Variants in RASGRP1 observed in about 807,000 individuals in gnomAD.
The protein encoded by RASGRP1 is RAS guanyl-releasing protein 1.
RASGRP1 carries 37 observed loss-of-function variants against 95.1 expected under a neutral mutation model. The ratio of observed to expected loss-of-function variants is 0.39; its 90% confidence interval spans 0.30 to 0.51. RASGRP1 has a LOEUF of 0.51. Ranked by LOEUF, RASGRP1 falls within the 20% of genes least tolerant of loss-of-function variation. The probability of loss-of-function intolerance (pLI) is 0.80; values close to 1 mark genes in which losing one functional copy is unlikely to be tolerated. For synonymous variants in RASGRP1, 325 were observed against 353.4 expected, an observed-to-expected ratio of 0.92 and a Z score of 0.90; for missense variants, 711 against 965.4, an observed-to-expected ratio of 0.74 and a Z score of 3.49.
At chr15:38,521,007 AC>A (rs1387183464) in intron 3 of RASGRP1, among the ~76,000 whole-genome samples, 2 of 152,260 alleles carry the variant, frequency 1.3e-5, no homozygotes, top group East Asian at 3.9e-4. Context: ...CAAAACAAAA[AC>A]CCAAAAAACC....
intron 12 of RASGRP1, 59 bp from the exon 13 acceptor site, chr15:38,501,346 A>T (rs1236107111): frequency 6.3e-7 from 1 of 1,577,684 alleles, no homozygotes; most frequent in Middle Eastern, 1.7e-4. Context: ...GCAGGTAGCA[A>T]GGGGGGGCTT....
rs984298267 is a variant in RASGRP1, at chr15:38,507,996, G to T, written c.972C>A (p.Leu324=). 6.2e-7 allele frequency: 1 copy of T among 1,601,436 alleles called. No homozygotes were observed. The highest frequency in any genetic ancestry group is 8.5e-7 in the Non-Finnish European group (1 of 1,174,540). ...AGGACAGCAGCTCAGTCATCTCACC[G>T]AGAACCTACAAAGCAGAACAGACCA... The part of the protein sequence containing the change: ...SHVPHEINKV[L]GEMTELLSSS... The change falls in exon 9 of 17, where the codon CTC becomes CTA. Residue 324 remains leucine, a synonymous_variant. Transcript: ENST00000310803.
intron 3 of RASGRP1, chr15:38,523,932 A>G (rs1396226132): frequency 3.3e-5 from 5 of 152,538 alleles, no homozygotes; most frequent in Admixed American, 1.3e-4. Context: ...GAGTCGCCCA[A>G]TGATGTATTT....
rs1185209197 is a variant in RASGRP1 at position 38,564,799 on chromosome 15, A to G, written c.-171T>C. On this transcript the variant is annotated 5_prime_UTR_variant, in exon 1 of 17. Coordinates refer to ENST00000310803, the MANE Select transcript of RASGRP1 (RefSeq NM_005739.4). Reference sequence around the variant, plus strand: ...CCGACCGAGGTGCACCGCAGGCACAAACTTTGTGCGAGCGCGCCCCCTCTG... The same window carrying G: ...CCGACCGAGGTGCACCGCAGGCACAGACTTTGTGCGAGCGCGCCCCCTCTG... 3 of 412,178 alleles carry G rather than the reference A, an allele frequency of 7.3e-6. No individual in the cohort carries two copies. The highest frequency in any genetic ancestry group is 1.1e-5 in the Non-Finnish European group (3 of 278,856). The allele number at this position is 412,178 out of a possible 1,614,324, so 25.5% of individuals were successfully genotyped here.
At chr15:38,526,754 G>A (rs564456920) in intron 2 of RASGRP1, among the ~76,000 whole-genome samples, 16 of 152,272 alleles carry the variant, frequency 1.1e-4, no homozygotes, top group African/African-American at 3.6e-4. Context: ...GGCAGGGAGA[G>A]AATTCTCTGG....
intron 1 of RASGRP1, among the ~76,000 whole-genome samples, chr15:38,564,140 C>G (rs1214990937): frequency 1.3e-5 from 2 of 152,194 alleles, no homozygotes; most frequent in Non-Finnish European, 2.9e-5. Flanking sequence ...GCCACCTCTG[C>G]GGGCTCCCTG....
chr15:38,529,813 G>A (rs1056314097), intron 2 of RASGRP1, among the ~76,000 whole-genome samples: 11 of 152,048 alleles, frequency 7.2e-5, no homozygotes, highest in Admixed American at 2.6e-4. Flanking sequence ...GTTTGCTTTC[G>A]TCATTACCTA....
intron 3 of RASGRP1, among the ~76,000 whole-genome samples, chr15:38,522,736 TCA>T (rs2141134093): frequency 6.6e-6 from 1 of 152,168 alleles, no homozygotes; most frequent in African/African-American, 2.4e-5. Context: ...ATTGAGAAGT[TCA>T]GTGAGGAAGG....
chr15:38,493,179 CTTTTTTTTT>C (rs71418810), intron 16 of RASGRP1, among the ~76,000 whole-genome samples: 1 of 104,534 alleles, frequency 9.6e-6, no homozygotes, highest in Non-Finnish European at 1.9e-5. Context: ...CACGCCGGGC[CTTTTTTTTT>C]TTTTTTTTTT....
At chr15:38,500,010 G>A (rs1393185041) in intron 14 of RASGRP1, 93 bp downstream of exon 14, 3 of 1,298,340 alleles carry the variant, frequency 2.3e-6, no homozygotes, top group Non-Finnish European at 3.3e-6. Context: ...TAAACCTCTT[G>A]CCTTTATAAA....
chr15:38,499,919 A>T (rs1890947198), intron 14 of RASGRP1, among the ~76,000 whole-genome samples, 184 bp downstream of exon 14: 1 of 152,154 alleles, frequency 6.6e-6, no homozygotes, highest in Non-Finnish European at 1.5e-5. Context: ...CAGCATGTGA[A>T]GAAGGATGTG....
intron 4 of RASGRP1, 141 bp from the exon 5 acceptor site, chr15:38,518,564 G>A (rs1043389000): frequency 2.8e-5 from 24 of 866,308 alleles, no homozygotes; most frequent in Non-Finnish European, 4.2e-5. Context: ...TATTGAAGGA[G>A]CTGGGGTGGG....
At chr15:38,501,733 G>C (rs1247334701) in intron 12 of RASGRP1, among the ~76,000 whole-genome samples, 1 of 152,134 alleles carries the variant, frequency 6.6e-6, no homozygotes, top group Non-Finnish European at 1.5e-5. Flanking sequence ...TGCAAAGTAT[G>C]AATAAGTATT....
chr15:38,526,713 G>T (rs1261884554), intron 2 of RASGRP1, among the ~76,000 whole-genome samples: 2 of 152,142 alleles, frequency 1.3e-5, no homozygotes, highest in East Asian at 3.9e-4. Flanking sequence ...GTTTTGTGGG[G>T]CCTAAAGTTC....
At chr15:38,538,958 A>C (rs1002908866) in intron 2 of RASGRP1, among the ~76,000 whole-genome samples, 2 of 152,154 alleles carry the variant, frequency 1.3e-5, no homozygotes, top group African/African-American at 4.8e-5. Context: ...CTGAAGTACT[A>C]ATAACCTCTA....
intron 2 of RASGRP1, chr15:38,534,572 C>T (rs1892566281): frequency 6.6e-6 from 1 of 152,352 alleles, no homozygotes; most frequent in African/African-American, 2.4e-5. Flanking sequence ...CAATTTCAAA[C>T]TTTTACAACA....
chr15:38,494,668 T>C lies in RASGRP1; in HGVS notation c.1973A>G (p.Gln658Arg), dbSNP rs1461089442. 7 of 1,545,166 alleles carry C rather than the reference T, an allele frequency of 4.5e-6. No individual in the cohort carries two copies. The highest frequency in any genetic ancestry group is 3.5e-4 in the Middle Eastern group (2 of 5,774). ...RTIMLMGVSS[Q>R]KISLRLKRAV... ...CCTCTTCAGCCGAAGAGAAATCTTC[T>C]GTGAGGACACTCCCATCAGCATGAT... The change falls in exon 16 of 17, where the codon CAG becomes CGG. Residue 658 changes from glutamine to arginine, a missense_variant. Gln to Arg is a conservative substitution (Grantham distance 43). This residue lies in a region of RASGRP1 where 212 missense variants were observed against 247.8 expected (regional missense o/e 0.86). Transcript: ENST00000310803.
At chr15:38,503,161 A>G in intron 11 of RASGRP1, 111 bp downstream of exon 11, 1 of 832,676 alleles carries the variant, frequency 1.2e-6, no homozygotes, top group Non-Finnish European at 1.9e-6. Flanking sequence ...AAGTGGTTCA[A>G]GTTTCGTGCC....
rs2141076344 is a variant in RASGRP1 at position 38,494,420 on chromosome 15, G to A, written c.2221C>T (p.Arg741Cys). 1.9e-6 allele frequency: 3 copies of A among 1,613,866 alleles called. No individual in the cohort carries two copies. Among genetic ancestry groups the A allele is most frequent in the Non-Finnish European group, 2.5e-6 (3 of 1,179,848 alleles). Residue 741 changes from arginine (R) to cysteine (C), a missense_variant, in exon 16 of 17, where the codon CGT becomes TGT. Arg to Cys is a radical substitution (Grantham distance 180). Around this residue, in one of 3 missense-constraint regions of RASGRP1, gnomAD observed 212 missense variants for 247.8 expected, o/e 0.86. Coordinates refer to ENST00000310803, the MANE Select transcript of RASGRP1 (RefSeq NM_005739.4). ...TGGTAGGTAGGCAGTCTGAGGTGAC[G>A]GAGCTCCTCCTTTGATTTTATGAGG... ...DSLIKSKEEL[R>C]HLRLPTYQEL... is the part of the protein sequence containing the mutation.
Sources: allele counts gnomAD v4.1 joint callset (sites outside exome capture counted in the v4.1 genomes callset), GRCh38; gene constraint gnomAD v4.1.1; regional missense constraint gnomAD v4.1.1; transcripts MANE v1.5; gene names NCBI Gene and HGNC (gene_info 2026-07-23, HGNC 2026-07-21).